The following GPR149 variants were observed in gnomAD, a reference collection of about 807,000 sequenced individuals.
The protein encoded by GPR149 is probable G protein-coupled receptor 149.
In GPR149, 50 loss-of-function variants were observed where a neutral mutation model predicts 50.2. That is an observed-to-expected ratio of 1.00 (90% confidence interval 0.79 to 1.26). The LOEUF is 1.26. GPR149 is among the 50% of genes most tolerant of loss of function. GPR149 has a pLI of 0.00. For missense variants in GPR149, 983 were observed against 895.4 expected (o/e 1.10, Z -1.25); for synonymous variants, 405 against 358.2 (o/e 1.13, Z -1.48).
intron 3 of GPR149, among the ~76,000 whole-genome samples, chr3:154,410,404 T>C (rs570326424): frequency 1.3e-5 from 2 of 152,262 alleles, no homozygotes; most frequent in South Asian, 4.1e-4. Flanking sequence ...TGAATGTAAA[T>C]GGTCTAAATG....
At chr3:154,386,049 C>A (rs1715038841) in intron 3 of GPR149, among the ~76,000 whole-genome samples, 1 of 152,060 alleles carries the variant, frequency 6.6e-6, no homozygotes, top group South Asian at 2.1e-4. Context: ...TGGCTTGTGA[C>A]AAATATTAGT....
chr3:154,380,416 C>T (rs1186212019), intron 3 of GPR149, among the ~76,000 whole-genome samples: 1 of 152,056 alleles, frequency 6.6e-6, no homozygotes, highest in African/African-American at 2.4e-5. Flanking sequence ...CACTGTTGTC[C>T]CAGTCATTTA....
At chr3:154,424,886 A>AC (rs1712251357) in intron 2 of GPR149, among the ~76,000 whole-genome samples, 1 of 151,762 alleles carries the variant, frequency 6.6e-6, no homozygotes, top group Non-Finnish European at 1.5e-5. Context: ...TTTGTCAAAA[A>AC]AAAAAAAAGA....
chr3:154,385,909 G>A (rs968261603), intron 3 of GPR149, among the ~76,000 whole-genome samples: 7 of 151,910 alleles, frequency 4.6e-5, no homozygotes, highest in Admixed American at 4.6e-4. Flanking sequence ...CACCCTGTTA[G>A]CCAGGATGGT....
chr3:154,353,621 G>A (rs1342643654), intron 3 of GPR149: 2 of 1,333,654 alleles, frequency 1.5e-6, no homozygotes, highest in East Asian at 4.6e-5. Flanking sequence ...ACACCATGCT[G>A]AGTTTCCTAG....
chr3:154,335,565 C>G lies in GPR149; in HGVS notation c.*2134G>C, dbSNP rs1024392504. Reference sequence around the variant, plus strand: ...ATGCAGCAGAATTTTTATGTGCATCCATTATACAGTTAATTCAACAACCAA... The same window carrying G: ...ATGCAGCAGAATTTTTATGTGCATCGATTATACAGTTAATTCAACAACCAA... On this transcript the variant is annotated 3_prime_UTR_variant, in exon 4 of 4. Transcript: ENST00000389740. 1 of 152,062 alleles carries G rather than the reference C, an allele frequency of 6.6e-6. No homozygotes were observed. Among genetic ancestry groups the G allele is most frequent in the Non-Finnish European group, 1.5e-5 (1 of 67,970 alleles). The allele number at this position is 152,062 out of a possible 1,614,324, so 9.4% of individuals were successfully genotyped here. A position where few individuals can be genotyped will look rare whatever the true frequency, so the allele number is the denominator to read the frequency against.
chr3:154,410,987 A>G (rs1711816328), intron 3 of GPR149, among the ~76,000 whole-genome samples: 1 of 152,156 alleles, frequency 6.6e-6, no homozygotes, highest in Non-Finnish European at 1.5e-5. Flanking sequence ...CATTATATTA[A>G]GTACTCTCTC....
At chr3:154,375,860 C>A (rs893954095) in intron 3 of GPR149, among the ~76,000 whole-genome samples, 1 of 152,122 alleles carries the variant, frequency 6.6e-6, no homozygotes, top group East Asian at 1.9e-4. Context: ...AACAAAAAGC[C>A]ATAGAAAACA....
chr3:154,416,304 C>T (rs1711985703), intron 3 of GPR149, among the ~76,000 whole-genome samples: 2 of 151,776 alleles, frequency 1.3e-5, no homozygotes, highest in Admixed American at 6.6e-5. Context: ...TGCATATTAG[C>T]CCACTGGGGG....
chr3:154,341,448 T>C (rs1303326791), intron 3 of GPR149, among the ~76,000 whole-genome samples: 2 of 150,060 alleles, frequency 1.3e-5, no homozygotes, highest in African/African-American at 4.9e-5. Context: ...GTAAGGTGGC[T>C]GAATTTTAGG....
At chr3:154,424,382 T>C (rs1712235403) in intron 2 of GPR149, among the ~76,000 whole-genome samples, 1 of 151,808 alleles carries the variant, frequency 6.6e-6, no homozygotes, top group Non-Finnish European at 1.5e-5. Flanking sequence ...GTGATAGGAA[T>C]GGTTTGTTAG....
At chr3:154,374,169 C>CTTTTCT (rs1553764330) in intron 3 of GPR149, among the ~76,000 whole-genome samples, 10 of 103,164 alleles carry the variant, frequency 9.7e-5, no homozygotes, top group East Asian at 2.7e-4. Flanking sequence ...CTTTTCTTTT[C>CTTTTCT]TTTTTTTTTT....
intron 3 of GPR149, among the ~76,000 whole-genome samples, chr3:154,402,117 T>C (rs2108418702): frequency 6.6e-6 from 1 of 152,296 alleles, no homozygotes; most frequent in East Asian, 1.9e-4. Flanking sequence ...GAGAGATCCT[T>C]GCTACTGCAG....
chr3:154,404,873 T>TTATCAG (rs141527795), intron 3 of GPR149, among the ~76,000 whole-genome samples: 2 of 151,192 alleles, frequency 1.3e-5, no homozygotes, highest in Non-Finnish European at 2.9e-5. Context: ...ATCATCATCA[T>TTATCAG]CAGCAGCAGC....
chr3:154,353,100 T>A, intron 3 of GPR149: 1 of 1,469,252 alleles, frequency 6.8e-7, no homozygotes, highest in South Asian at 1.1e-5. Flanking sequence ...GGCATTCTGT[T>A]TTATGTGTGG....
At chr3:154,380,685 A>C (rs1345382190) in intron 3 of GPR149, among the ~76,000 whole-genome samples, 1 of 144,482 alleles carries the variant, frequency 6.9e-6, no homozygotes, top group Non-Finnish European at 1.5e-5. Flanking sequence ...CTATAAAAGC[A>C]TTTAAGAATT....
intron 3 of GPR149, among the ~76,000 whole-genome samples, chr3:154,380,159 A>T (rs970455159): frequency 3.7e-5 from 4 of 107,514 alleles, no homozygotes; most frequent in South Asian, 7.1e-4. Context: ...TGTGTGTGTG[A>T]GAGAGACAGA....
chr3:154,357,774 GCCATC>G (rs1396860828), intron 3 of GPR149, among the ~76,000 whole-genome samples: 1 of 152,190 alleles, frequency 6.6e-6, no homozygotes, highest in East Asian at 1.9e-4. Context: ...ATTTGACCCA[GCCATC>G]CCATTACTGG....
At chr3:154,411,467 AAAG>A (rs1711831084) in intron 3 of GPR149, among the ~76,000 whole-genome samples, 1 of 152,154 alleles carries the variant, frequency 6.6e-6, no homozygotes. Context: ...TTTATCAAGA[AAAG>A]AAGAGAGAAG....
Sources: allele counts gnomAD v4.1 joint callset (sites outside exome capture counted in the v4.1 genomes callset), GRCh38; gene constraint gnomAD v4.1.1; transcripts MANE v1.5; gene names NCBI Gene and HGNC (gene_info 2026-07-23, HGNC 2026-07-21).